Variants in PAH observed in about 807,000 individuals in gnomAD.
PAH encodes the protein phenylalanine hydroxylase, also known as phenylalanine-4-hydroxylase.
In PAH, 64 loss-of-function variants were observed where a neutral mutation model predicts 62.0. That is an observed-to-expected ratio of 1.03 (90% CI 0.84 to 1.27). PAH has a LOEUF of 1.27. Ranked by LOEUF, PAH falls within the 50% of genes most tolerant of loss-of-function variation. The pLI is 0.00. For missense variants in PAH, 579 were observed against 542.8 expected, an observed-to-expected ratio of 1.07 and a Z score of -0.66; for synonymous variants, 195 against 196.2, an observed-to-expected ratio of 0.99 and a Z score of 0.05.
chr12:102,957,788 A>G lies in PAH; in HGVS notation c.-96+407T>C, dbSNP rs1879967859. The G allele has an allele frequency of 6.4e-6, 1 of 156,258 alleles. No individual in the cohort carries two copies. The highest frequency in any genetic ancestry group is 6.5e-5 in the Admixed American group (1 of 15,366). 9.7% of individuals were successfully genotyped at this position (156,258 alleles called of 1,614,324 possible). ...GGAAGGGAGTTAACAAAATAATAAA[A>G]ACAGCCTGAGCCACGGCTGGAGAGA... On this transcript the variant is annotated intron_variant, in intron 1 of 4. Coordinates refer to the PAH transcript ENST00000551337. This position sits in a 1 kb window ranked among gnomAD's most constrained non-coding sequence, Gnocchi z 4.1.
intron 1 of PAH, among the ~76,000 whole-genome samples, chr12:102,930,519 G>A (rs1043870344): frequency 4.6e-5 from 7 of 152,180 alleles, no homozygotes; most frequent in African/African-American, 1.7e-4. Flanking sequence ...AACAAGATAG[G>A]ATGAAAATTC....
At chr12:102,859,047 G>T (rs1057217242) in intron 5 of PAH, among the ~76,000 whole-genome samples, 1 of 151,934 alleles carries the variant, frequency 6.6e-6, no homozygotes, top group Non-Finnish European at 1.5e-5. Context: ...TGGTTTTTTT[G>T]AAAAGATCGA....
chr12:102,910,162 C>A (rs951011151), intron 2 of PAH, among the ~76,000 whole-genome samples: 1 of 152,082 alleles, frequency 6.6e-6, no homozygotes, highest in African/African-American at 2.4e-5. Context: ...ATCCTCAGGG[C>A]TAGACATAAT....
chr12:102,904,479 G>A (rs1321539634), intron 2 of PAH, among the ~76,000 whole-genome samples: 1 of 152,136 alleles, frequency 6.6e-6, no homozygotes, highest in Non-Finnish European at 1.5e-5. Context: ...CCTCCCTACA[G>A]AACTTCTCAG....
chr12:102,918,390 T>C (rs1340661258), upstream of PAH, among the ~76,000 whole-genome samples: 1 of 152,106 alleles, frequency 6.6e-6, no homozygotes, highest in East Asian at 1.9e-4. Context: ...AAGCCAATAA[T>C]AAAGGTTGCT....
intron 1 of PAH, among the ~76,000 whole-genome samples, chr12:102,933,420 G>A (rs1225778370): frequency 6.6e-6 from 1 of 152,060 alleles, no homozygotes; most frequent in East Asian, 1.9e-4. Context: ...ATTGTGAATA[G>A]TGCTGCAATA....
chr12:102,911,176 G>A (rs906871343), intron 2 of PAH, among the ~76,000 whole-genome samples: 3 of 152,140 alleles, frequency 2.0e-5, no homozygotes, highest in Non-Finnish European at 1.5e-5. Flanking sequence ...GAGGGCCAAG[G>A]TGCCCAGGGG....
At chr12:102,952,677 A>G (rs1421919547), upstream of PAH, among the ~76,000 whole-genome samples, 6 of 152,168 alleles carry the variant, frequency 3.9e-5, no homozygotes, top group Non-Finnish European at 8.8e-5. Context: ...GGTGGCTGCA[A>G]ATTACCTCCT....
chr12:102,844,684 A>G (rs1291050218), intron 9 of PAH, among the ~76,000 whole-genome samples: 2 of 152,174 alleles, frequency 1.3e-5, no homozygotes, highest in Non-Finnish European at 2.9e-5. Flanking sequence ...GGAAAGCCAC[A>G]TACGTATTCT....
chr12:102,889,888 T>G (rs1369933796), intron 3 of PAH, among the ~76,000 whole-genome samples: 1 of 152,198 alleles, frequency 6.6e-6, no homozygotes, highest in Non-Finnish European at 1.5e-5. Flanking sequence ...AGTAGATTGA[T>G]CGATGAAAGA....
In PAH at chr12:102,892,296, T is replaced by G. The variant is rs148645717; in HGVS notation, c.352+2439A>C. On this transcript the variant is annotated intron_variant, in intron 3 of 12. Transcript: ENST00000553106. The stretch of plus-strand genomic sequence containing the variant: ...CTCATTTTAAAGCATCTCTGCCTAT[T>G]CAAATGCTTCTTTCAGCTATGGTGC... Among the ~76,000 whole-genome samples the G allele has an allele frequency of 9.8e-5, 15 of 152,352 alleles. No homozygotes were observed. In the East Asian group the frequency reaches 2.7e-3, roughly 27 times the overall value.
chr12:102,896,683 G>A (rs1197835772), intron 2 of PAH, among the ~76,000 whole-genome samples: 5 of 152,080 alleles, frequency 3.3e-5, no homozygotes, highest in Non-Finnish European at 7.3e-5. Flanking sequence ...AGAGTTTGTG[G>A]GTAGGAAAAT....
chr12:102,903,552 T>A (rs183628665), intron 2 of PAH, among the ~76,000 whole-genome samples: 24 of 152,250 alleles, frequency 1.6e-4, no homozygotes, highest in Non-Finnish European at 3.2e-4. Flanking sequence ...TCATTGAATA[T>A]CTGATGAGGG....
At chr12:102,929,828 G>T (rs2136747679) in intron 1 of PAH, among the ~76,000 whole-genome samples, 1 of 152,248 alleles carries the variant, frequency 6.6e-6, no homozygotes, top group East Asian at 1.9e-4. Flanking sequence ...ATGAGAAACA[G>T]GTCAAAGATG....
intron 1 of PAH, among the ~76,000 whole-genome samples, chr12:102,925,286 T>G (rs1032841339): frequency 2.6e-5 from 4 of 152,148 alleles, no homozygotes; most frequent in South Asian, 2.1e-4. Flanking sequence ...AGCAGCCATA[T>G]TGCATTATAA....
chr12:102,840,433 G>A lies in PAH; in HGVS notation c.1282C>T (p.Gln428Ter), dbSNP rs567261857. The A allele has an allele frequency of 6.2e-7, 1 of 1,613,764 alleles. No homozygotes were observed. Among genetic ancestry groups the A allele is most frequent in the Non-Finnish European group, 8.5e-7 (1 of 1,179,704 alleles). Residue 428 changes from glutamine (Q) to a stop codon, truncating the protein, a stop_gained, in exon 12 of 13, where the codon CAG (glutamine) becomes TAG (stop). Coordinates refer to ENST00000553106, the MANE Select transcript of PAH (RefSeq NM_000277.3). LOFTEE classifies it high-confidence loss of function. ...TQRIEVLDNT[Q>*]QLKILADSIN... ...GAATCAGCCAAAATCTTAAGCTGCT[G>A]GGTATTGTCCAAGACCTCAATCCTT...
At chr12:102,883,145 A>G (rs1158045126) in intron 3 of PAH, among the ~76,000 whole-genome samples, 1 of 152,150 alleles carries the variant, frequency 6.6e-6, no homozygotes, top group Non-Finnish European at 1.5e-5. Flanking sequence ...ATATTCAGAG[A>G]CCTGTGGGAT....
intron 1 of PAH, 81 bp downstream of exon 1, chr12:102,916,990 G>C: frequency 7.9e-7 from 1 of 1,259,282 alleles, no homozygotes. Flanking sequence ...TATGAAACCA[G>C]GAAGCACCAG....
At chr12:102,951,697 T>C (rs920559791), upstream of PAH, among the ~76,000 whole-genome samples, 4 of 152,108 alleles carry the variant, frequency 2.6e-5, no homozygotes, top group South Asian at 6.2e-4. Context: ...TGAAATCCGG[T>C]CACTCACGTC....
Sources: allele counts gnomAD v4.1 joint callset (sites outside exome capture counted in the v4.1 genomes callset), GRCh38; gene constraint gnomAD v4.1.1; non-coding constraint Gnocchi (gnomAD v3.1); transcripts MANE v1.5; gene names NCBI Gene and HGNC (gene_info 2026-07-23, HGNC 2026-07-21).